ANKS1B: variants seen among roughly 807,000 people sequenced by gnomAD.
The protein encoded by ANKS1B is ankyrin repeat and sterile alpha motif domain containing 1B, also known as ankyrin repeat and sterile alpha motif domain-containing protein 1B.
Under a neutral mutation model 148.3 loss-of-function variants are expected in ANKS1B, and 36 were observed. The ratio of observed to expected loss-of-function variants is 0.24; its 90% confidence interval spans 0.19 to 0.32. The LOEUF (loss-of-function observed/expected upper bound fraction) is 0.32. Among genes scored for constraint, ANKS1B ranks in the 10% least tolerant of loss-of-function variants. The probability of loss-of-function intolerance (pLI) is 1.00; values close to 1 mark genes in which losing one functional copy is unlikely to be tolerated. For synonymous variants in ANKS1B, 542 were observed against 560.8 expected, an observed-to-expected ratio of 0.97 and a Z score of 0.47; for missense variants, 1,157 against 1,542.6, an observed-to-expected ratio of 0.75 and a Z score of 4.19.
chr12:99,335,867 G>C (rs1168468164), intron 12 of ANKS1B, among the ~76,000 whole-genome samples: 1 of 151,942 alleles, frequency 6.6e-6, no homozygotes, highest in Non-Finnish European at 1.5e-5. Flanking sequence ...CCTTTCCTTG[G>C]GGAATATACT....
At chr12:99,387,433 T>C (rs973553125) in intron 12 of ANKS1B, among the ~76,000 whole-genome samples, 16 of 152,044 alleles carry the variant, frequency 1.1e-4, no homozygotes, top group African/African-American at 3.9e-4. Flanking sequence ...CTGGCCAACA[T>C]GGTGAAAGCC....
chr12:99,915,002 G>A (rs1195151695), intron 1 of ANKS1B, among the ~76,000 whole-genome samples: 2 of 151,966 alleles, frequency 1.3e-5, no homozygotes, highest in East Asian at 3.9e-4. Flanking sequence ...GAGGCGGGTG[G>A]ATCACCTGAG....
intron 9 of ANKS1B, among the ~76,000 whole-genome samples, chr12:98,738,363 A>G (rs17028661): frequency 0.042 from 6,326 of 152,278 alleles, 420 homozygotes; most frequent in African/African-American, 0.14. Context: ...ACCCAGGGCT[A>G]GAATATGTAA....
exon 10 of ANKS1B, chr12:98,735,559 A>G (rs1169645189): frequency 2.6e-6 from 2 of 768,340 alleles, no homozygotes; most frequent in South Asian, 1.4e-5. Context: ...ATTCAATTCT[A>G]TCAAAATTTT....
At chr12:99,834,431 A>G (rs1388998823) in intron 1 of ANKS1B, among the ~76,000 whole-genome samples, 1 of 152,198 alleles carries the variant, frequency 6.6e-6, no homozygotes, top group Non-Finnish European at 1.5e-5. Flanking sequence ...ATGTTCTCAG[A>G]CAATATGGGG....
At chr12:99,564,666 C>G (rs2097370580) in intron 9 of ANKS1B, among the ~76,000 whole-genome samples, 1 of 152,130 alleles carries the variant, frequency 6.6e-6, no homozygotes, top group Admixed American at 6.5e-5. Context: ...TTTCTGACCA[C>G]TAACATCCCT....
At chr12:99,652,182 A>C (rs2098424726) in intron 9 of ANKS1B, among the ~76,000 whole-genome samples, 1 of 152,036 alleles carries the variant, frequency 6.6e-6, no homozygotes, top group African/African-American at 2.4e-5. Context: ...TTAAGAATTT[A>C]TAGTGAGAGG....
intron 14 of ANKS1B, among the ~76,000 whole-genome samples, chr12:99,156,314 G>A (rs757624883): frequency 7.2e-5 from 11 of 152,120 alleles, no homozygotes; most frequent in Non-Finnish European, 1.2e-4. Flanking sequence ...GGCCCACCTA[G>A]CCTAGTGAAA....
intron 8 of ANKS1B, among the ~76,000 whole-genome samples, chr12:99,667,383 C>G (rs149571213): frequency 1.4e-4 from 18 of 125,330 alleles, no homozygotes; most frequent in Admixed American, 1.3e-3. Context: ...GAAAAGAAAA[C>G]CCTGAATTTT....
At chr12:99,804,268 T>C (rs989590367) in intron 4 of ANKS1B, among the ~76,000 whole-genome samples, 1 of 152,222 alleles carries the variant, frequency 6.6e-6, no homozygotes, top group Non-Finnish European at 1.5e-5. Context: ...AGTTTATCAT[T>C]AAACAACTTT....
intron 15 of ANKS1B, among the ~76,000 whole-genome samples, chr12:99,093,008 T>C (rs1488847595): frequency 6.6e-6 from 1 of 152,196 alleles, no homozygotes; most frequent in African/African-American, 2.4e-5. Flanking sequence ...GGTCAGACTC[T>C]GATGCTGATG....
At chr12:99,184,988 A>T (rs551230114) in intron 14 of ANKS1B, among the ~76,000 whole-genome samples, 1 of 152,236 alleles carries the variant, frequency 6.6e-6, no homozygotes. Context: ...AAGACAATTC[A>T]TCAAATATAA....
chr12:99,742,520 G>A (rs1040505196), intron 8 of ANKS1B, among the ~76,000 whole-genome samples: 1 of 152,090 alleles, frequency 6.6e-6, no homozygotes, highest in East Asian at 1.9e-4. Context: ...ATAAGAGTAA[G>A]TGAAATATAC....
chr12:98,901,992 C>A (rs1300437386), intron 17 of ANKS1B, among the ~76,000 whole-genome samples: 1 of 152,166 alleles, frequency 6.6e-6, no homozygotes, highest in East Asian at 1.9e-4. Context: ...GTTTGGATCA[C>A]AAATTTAAAA....
intron 1 of ANKS1B, among the ~76,000 whole-genome samples, chr12:99,929,705 C>T (rs961668826): frequency 2.6e-5 from 4 of 152,116 alleles, no homozygotes; most frequent in African/African-American, 4.8e-5. Flanking sequence ...CAGTTTCAGC[C>T]TTCTACATGT....
intron 17 of ANKS1B, among the ~76,000 whole-genome samples, chr12:98,855,726 C>A (rs182630459): frequency 1.3e-5 from 2 of 152,062 alleles, no homozygotes; most frequent in East Asian, 3.9e-4. Context: ...AATGGGAATG[C>A]GAAAATCAAA....
intron 12 of ANKS1B, among the ~76,000 whole-genome samples, chr12:99,366,009 C>T (rs1268341681): frequency 1.3e-5 from 2 of 152,200 alleles, no homozygotes; most frequent in South Asian, 4.1e-4. Context: ...AGAAAATCAG[C>T]GTCACTGGAC....
chr12:98,864,576 C>T (rs1428946985), intron 17 of ANKS1B, among the ~76,000 whole-genome samples: 1 of 152,186 alleles, frequency 6.6e-6, no homozygotes, highest in Non-Finnish European at 1.5e-5. Context: ...GACTGACCTC[C>T]CGCAAGCAGG....
At chr12:98,895,322 C>G (rs1208431382) in intron 17 of ANKS1B, 6 of 984,982 alleles carry the variant, frequency 6.1e-6, no homozygotes, top group Non-Finnish European at 7.2e-6. Flanking sequence ...GCCCCCTCCG[C>G]GCACTCCGGG....
Sources: allele counts gnomAD v4.1 joint callset (sites outside exome capture counted in the v4.1 genomes callset), GRCh38; gene constraint gnomAD v4.1.1; transcripts MANE v1.5; gene names NCBI Gene and HGNC (gene_info 2026-07-23, HGNC 2026-07-21).